Variants in SDK1 observed in about 807,000 individuals in gnomAD.
SDK1 encodes sidekick cell adhesion molecule 1, also known as protein sidekick-1.
A neutral mutation model predicts 245.5 loss-of-function variants in SDK1; 157 were observed. The observed-to-expected ratio is 0.64, with a 90% CI of 0.56 to 0.73. The LOEUF (loss-of-function observed/expected upper bound fraction) is 0.73. Among genes scored for constraint, SDK1 ranks in the 30% least tolerant of loss-of-function variants. SDK1 has a pLI of 0.00. For missense variants in SDK1, 3,583 were observed against 3,002.3 expected (o/e 1.19, Z -4.52); for synonymous variants, 1,647 against 1,278.5 (o/e 1.29, Z -6.15).
intron 4 of SDK1, among the ~76,000 whole-genome samples, chr7:3,647,880 A>G (rs767794877): frequency 1.3e-5 from 2 of 152,154 alleles, no homozygotes; most frequent in African/African-American, 2.4e-5. Context: ...CAGAAGGGGA[A>G]AAAAAATGAG....
At chr7:3,591,818 C>A (rs1780884373) in intron 1 of SDK1, among the ~76,000 whole-genome samples, 1 of 152,090 alleles carries the variant, frequency 6.6e-6, no homozygotes, top group African/African-American at 2.4e-5. Flanking sequence ...AAAATTTATC[C>A]AATGGGAGGC....
chr7:3,757,651 C>T (rs1464178253), intron 4 of SDK1, among the ~76,000 whole-genome samples: 2 of 152,188 alleles, frequency 1.3e-5, no homozygotes, highest in African/African-American at 4.8e-5. Context: ...CTCCCAAGCT[C>T]TCTCCAGGCG....
intron 25 of SDK1, among the ~76,000 whole-genome samples, chr7:4,125,290 T>C (rs188746085): frequency 6.9e-6 from 1 of 145,358 alleles, no homozygotes; most frequent in East Asian, 2.1e-4. Flanking sequence ...TGTAGATGGA[T>C]AGATGGATGG....
rs1788473976 is a variant in SDK1 at position 4,266,409 on chromosome 7, A to G, written c.*1025A>G. On this transcript the variant is annotated 3_prime_UTR_variant, in exon 45 of 45. Transcript: ENST00000404826. ...TAAAGCAAAACAGCTCTGAGAACACACGCTCCCGACTCGCCTCGTGCACAC... is the reference window on the plus strand; with the variant it reads ...TAAAGCAAAACAGCTCTGAGAACACGCGCTCCCGACTCGCCTCGTGCACAC... 1 of 985,186 alleles carries G rather than the reference A, an allele frequency of 1.0e-6. No individual in the cohort carries two copies. Among genetic ancestry groups the G allele is most frequent in the Non-Finnish European group, 1.2e-6 (1 of 829,938 alleles). 61.0% of individuals were successfully genotyped at this position (985,186 alleles called of 1,614,324 possible).
At chr7:4,089,545 A>G (rs367560857) in intron 22 of SDK1, among the ~76,000 whole-genome samples, 2 of 152,148 alleles carry the variant, frequency 1.3e-5, no homozygotes, top group African/African-American at 4.8e-5. Context: ...TGCCTTCCCC[A>G]TCGTGGGCTT....
chr7:3,401,528 G>A (rs754375278), intron 1 of SDK1, among the ~76,000 whole-genome samples: 3 of 152,090 alleles, frequency 2.0e-5, no homozygotes, highest in Admixed American at 1.3e-4. Flanking sequence ...GTTTGCTGGG[G>A]GAAAATAACA....
At chr7:3,470,736 A>T (rs1004259010) in intron 1 of SDK1, among the ~76,000 whole-genome samples, 1 of 152,178 alleles carries the variant, frequency 6.6e-6, no homozygotes, top group Non-Finnish European at 1.5e-5. Flanking sequence ...CAGTTTTCCA[A>T]ATTCCTTTTC....
At chr7:4,092,623 C>T (rs951381290) in intron 22 of SDK1, among the ~76,000 whole-genome samples, 25 of 152,172 alleles carry the variant, frequency 1.6e-4, no homozygotes, top group African/African-American at 5.8e-4. Context: ...CTGTGCCTGG[C>T]CCTGGGCTAG....
rs188300248 is a variant in SDK1, at chr7:3,695,058, C to T, written c.713+52953C>T. Among the ~76,000 whole-genome samples, 12 of 152,266 alleles carry T rather than the reference C, an allele frequency of 7.9e-5. No homozygotes were observed. The East Asian group carries it at 2.1e-3, about 27-fold the overall frequency. ...ATTGGGAAACATATTAGAGACTCTA[C>T]ATATTAGAGACTAACAGTTGTTATG... On this transcript the variant is annotated intron_variant, in intron 4 of 44. Coordinates refer to ENST00000404826, the MANE Select transcript of SDK1 (RefSeq NM_152744.4).
chr7:3,666,539 C>G lies in SDK1; in HGVS notation c.713+24434C>G, dbSNP rs528836722. ...TCCCTGGGGTCTGGCGACACCTCTC[C>G]CTGTTGCAGGTCTTGTCTGCCGTGT... is the stretch of plus-strand genomic sequence containing the variant. On this transcript the variant is annotated intron_variant, in intron 4 of 44. Coordinates refer to ENST00000404826, the MANE Select transcript of SDK1 (RefSeq NM_152744.4). 1.2e-4 allele frequency among the ~76,000 whole-genome samples: 18 copies of G among 152,308 alleles called. 3 individuals carry two copies. Among genetic ancestry groups the G allele is most frequent in the African/African-American group, 4.3e-4 (18 of 41,574 alleles).
At chr7:3,431,358 GTTTTTTTTTTTT>G (rs34510123) in intron 1 of SDK1, among the ~76,000 whole-genome samples, 1 of 118,370 alleles carries the variant, frequency 8.4e-6, no homozygotes, top group Admixed American at 8.6e-5. Context: ...AATGTGGGAG[GTTTTTTTTTTTT>G]TTTTTTTTTT....
Position 3,347,412 on chromosome 7 carries a change from A to C in SDK1, c.298+45528A>C, listed in dbSNP as rs114533536. Reference sequence around the variant, plus strand: ...ATGTCATAAAGCTGTTGGTCTTACTATGCCTTTCCCAGAAGTACCTGATGA... The same window carrying C: ...ATGTCATAAAGCTGTTGGTCTTACTCTGCCTTTCCCAGAAGTACCTGATGA... On this transcript the variant is annotated intron_variant, in intron 1 of 44. Coordinates refer to ENST00000404826, the MANE Select transcript of SDK1 (RefSeq NM_152744.4). Among the ~76,000 whole-genome samples the C allele has an allele frequency of 6.9e-3, 1,044 of 152,246 alleles. 15 individuals carry two copies. Among genetic ancestry groups the C allele is most frequent in the African/African-American group, 0.024 (992 of 41,534 alleles).
chr7:4,200,883 A>C (rs1017932974), intron 35 of SDK1, among the ~76,000 whole-genome samples: 1 of 152,246 alleles, frequency 6.6e-6, no homozygotes, highest in Non-Finnish European at 1.5e-5. Context: ...TCTTGTAAAT[A>C]AAGTTTTATT....
chr7:3,492,628 A>G (rs1781899124), intron 1 of SDK1, among the ~76,000 whole-genome samples: 1 of 152,240 alleles, frequency 6.6e-6, no homozygotes, highest in African/African-American at 2.4e-5. Flanking sequence ...AGCGTAGCCA[A>G]CTTGGTCCTG....
rs754877724 is a variant in SDK1, at chr7:4,178,562, G to T, written c.5074G>T (p.Val1692Leu). The change falls in exon 35 of 45, where the codon GTG becomes TTG. Residue 1692 changes from valine (V) to leucine (L), a missense_variant. Val to Leu is a conservative substitution (Grantham distance 32). Transcript: ENST00000404826. ...CGGCGAGAGCCCAGCCAGCGCGCCC[G>T]TGGAGGTCTTTGTCGGCGAGGCTGG... ...IIGESPASAPVEVFVGEAAPA... is the reference protein window; with the variant it reads ...IIGESPASAPLEVFVGEAAPA... The T allele has an allele frequency of 1.2e-6, 2 of 1,612,564 alleles. No homozygotes were observed. The highest frequency in any genetic ancestry group is 1.7e-6 in the Non-Finnish European group (2 of 1,179,892).
intron 4 of SDK1, among the ~76,000 whole-genome samples, chr7:3,676,020 T>C (rs1783881741): frequency 6.6e-6 from 1 of 152,176 alleles, no homozygotes; most frequent in Non-Finnish European, 1.5e-5. Flanking sequence ...GTTTCTTTTT[T>C]TGTGGCACTA....
intron 1 of SDK1, among the ~76,000 whole-genome samples, chr7:3,581,367 G>A (rs1411553737): frequency 1.3e-5 from 2 of 152,180 alleles, no homozygotes; most frequent in African/African-American, 4.8e-5. Flanking sequence ...TTCAAAAGAA[G>A]ACATATGCAG....
chr7:4,202,225 C>T (rs1040041616), intron 35 of SDK1, among the ~76,000 whole-genome samples: 5 of 152,182 alleles, frequency 3.3e-5, no homozygotes, highest in African/African-American at 1.2e-4. Context: ...CTGGTGTCCA[C>T]CTGTCCCTCA....
At chr7:3,543,082 A>G (rs62440167) in intron 1 of SDK1, among the ~76,000 whole-genome samples, 6,195 of 152,304 alleles carry the variant, frequency 0.041, 196 homozygotes, top group Non-Finnish European at 0.064. Flanking sequence ...TCCTATTTGT[A>G]TTTCAAATTT....
Sources: allele counts gnomAD v4.1 joint callset (sites outside exome capture counted in the v4.1 genomes callset), GRCh38; gene constraint gnomAD v4.1.1; transcripts MANE v1.5; gene names NCBI Gene and HGNC (gene_info 2026-07-23, HGNC 2026-07-21).